SLC24A3: variants seen among roughly 807,000 people sequenced by gnomAD.
SLC24A3 encodes solute carrier family 24 member 3.
A neutral mutation model predicts 75.8 loss-of-function variants in SLC24A3; 28 were observed. The ratio of observed to expected loss-of-function variants is 0.37; its 90% confidence interval spans 0.27 to 0.51. SLC24A3 has a LOEUF of 0.51. Among genes scored for constraint, SLC24A3 ranks in the 20% least tolerant of loss-of-function variants. SLC24A3 has a pLI of 0.94. For synonymous variants in SLC24A3, 372 were observed against 334.1 expected (o/e 1.11, Z -1.24); for missense variants, 663 against 847.8 (o/e 0.78, Z 2.71).
At chr20:19,685,814 G>A (rs556917474) in intron 12 of SLC24A3, among the ~76,000 whole-genome samples, 2 of 152,256 alleles carry the variant, frequency 1.3e-5, no homozygotes, top group South Asian at 2.1e-4. Flanking sequence ...CAGCAAGCAG[G>A]AATTAGGGAG....
At chr20:19,473,411 T>C (rs1473660880) in intron 2 of SLC24A3, among the ~76,000 whole-genome samples, 1 of 152,196 alleles carries the variant, frequency 6.6e-6, no homozygotes, top group Non-Finnish European at 1.5e-5. Context: ...GGAGAGATAA[T>C]AACAATGATG....
At chr20:19,346,887 C>T (rs1405560688) in intron 2 of SLC24A3, among the ~76,000 whole-genome samples, 1 of 152,108 alleles carries the variant, frequency 6.6e-6, no homozygotes, top group Non-Finnish European at 1.5e-5. Context: ...ATAAAGATCA[C>T]TGTTTAAACA....
intron 2 of SLC24A3, among the ~76,000 whole-genome samples, chr20:19,360,333 C>G (rs1000029248): frequency 7.9e-5 from 12 of 152,188 alleles, no homozygotes; most frequent in Non-Finnish European, 1.3e-4. Context: ...CAAATGCCTC[C>G]ACATCTGGGC....
At chr20:19,385,904 TG>T (rs1482952225) in intron 2 of SLC24A3, among the ~76,000 whole-genome samples, 2 of 152,160 alleles carry the variant, frequency 1.3e-5, no homozygotes, top group Non-Finnish European at 2.9e-5. Context: ...TCCAAACTGT[TG>T]GGATTACAGG....
chr20:19,520,553 G>C (rs1265115183), intron 3 of SLC24A3, among the ~76,000 whole-genome samples: 1 of 152,176 alleles, frequency 6.6e-6, no homozygotes, highest in South Asian at 2.1e-4. Flanking sequence ...CTACGGCGCA[G>C]GTCATTCCGG....
At chr20:19,264,542 C>T (rs909984051) in intron 1 of SLC24A3, among the ~76,000 whole-genome samples, 15 of 151,554 alleles carry the variant, frequency 9.9e-5, no homozygotes, top group African/African-American at 3.6e-4. Flanking sequence ...CTGGGCAACA[C>T]GGTGAAAACC....
intron 2 of SLC24A3, among the ~76,000 whole-genome samples, chr20:19,283,698 AG>A (rs1983725946): frequency 6.6e-6 from 1 of 152,246 alleles, no homozygotes; most frequent in South Asian, 2.1e-4. Context: ...CCAAATAGCC[AG>A]GTTCTCAGAG....
intron 2 of SLC24A3, among the ~76,000 whole-genome samples, chr20:19,445,390 A>G (rs933323117): frequency 6.6e-6 from 1 of 152,234 alleles, no homozygotes; most frequent in East Asian, 1.9e-4. Context: ...GCCAGAATGC[A>G]TGGATTTGTA....
chr20:19,475,121 A>G (rs1336437991), intron 2 of SLC24A3, among the ~76,000 whole-genome samples: 1 of 152,076 alleles, frequency 6.6e-6, no homozygotes, highest in Admixed American at 6.6e-5. Flanking sequence ...GGAGGATCAC[A>G]AGGTCAGGAG....
chr20:19,532,135 T>C (rs1169254922), intron 3 of SLC24A3, among the ~76,000 whole-genome samples: 3 of 152,162 alleles, frequency 2.0e-5, no homozygotes. Context: ...TGTTGTTTGA[T>C]CAGTTTTCTC....
At chr20:19,267,200 T>C (rs925891202) in intron 1 of SLC24A3, among the ~76,000 whole-genome samples, 1 of 152,226 alleles carries the variant, frequency 6.6e-6, no homozygotes, top group Non-Finnish European at 1.5e-5. Flanking sequence ...TTTGAAAATA[T>C]TAGTTCCATA....
At chr20:19,412,381 G>T (rs569968601) in intron 2 of SLC24A3, among the ~76,000 whole-genome samples, 1 of 152,024 alleles carries the variant, frequency 6.6e-6, no homozygotes, top group Non-Finnish European at 1.5e-5. Flanking sequence ...CCCTGTGAGC[G>T]AAATGCCAAA....
chr20:19,268,486 C>T (rs1055514953), intron 1 of SLC24A3, among the ~76,000 whole-genome samples: 4 of 152,174 alleles, frequency 2.6e-5, no homozygotes, highest in South Asian at 2.1e-4. Flanking sequence ...AAAGTCCAAA[C>T]GCAAAGGACC....
chr20:19,244,958 G>C (rs1300782904), intron 1 of SLC24A3, among the ~76,000 whole-genome samples: 1 of 152,176 alleles, frequency 6.6e-6, no homozygotes, highest in Non-Finnish European at 1.5e-5. Context: ...CCGTTTTAAT[G>C]ACTGCACAAG....
intron 3 of SLC24A3, among the ~76,000 whole-genome samples, chr20:19,535,441 C>T (rs1308527534): frequency 4.6e-5 from 7 of 152,124 alleles, no homozygotes; most frequent in Non-Finnish European, 1.0e-4. Context: ...CCAGGCTAGC[C>T]AAGTTTATTC....
rs77515979 is a variant in SLC24A3, at chr20:19,513,774, G to A, written c.272-1714G>A. On this transcript the variant is annotated intron_variant, in intron 2 of 16. Coordinates refer to ENST00000328041, the MANE Select transcript of SLC24A3 (RefSeq NM_020689.4). ...AAAGCCTTTTTGAGATATTATTGACGTATAAAAATTGTATATGCTTAAGGT... is the reference window on the plus strand; with the variant it reads ...AAAGCCTTTTTGAGATATTATTGACATATAAAAATTGTATATGCTTAAGGT... Among the ~76,000 whole-genome samples, 1,047 of 148,066 alleles carry A rather than the reference G, an allele frequency of 7.1e-3. 17 individuals carry two copies. The highest frequency in any genetic ancestry group is 0.024 in the African/African-American group (957 of 40,032).
chr20:19,585,190 A>C, intron 5 of SLC24A3, 135 bp downstream of exon 5: 1 of 805,158 alleles, frequency 1.2e-6, no homozygotes, highest in Non-Finnish European at 2.0e-6. Context: ...TGAGTAGAAC[A>C]TCAGCCTCCC....
intron 2 of SLC24A3, among the ~76,000 whole-genome samples, chr20:19,344,385 A>G (rs1487674848): frequency 6.6e-6 from 1 of 152,204 alleles, no homozygotes; most frequent in Non-Finnish European, 1.5e-5. Context: ...TGAAACCATA[A>G]CTACATATGT....
intron 2 of SLC24A3, among the ~76,000 whole-genome samples, chr20:19,345,808 G>C (rs1047475317): frequency 2.6e-5 from 4 of 151,832 alleles, no homozygotes; most frequent in African/African-American, 9.7e-5. Context: ...CGTGGATGTA[G>C]TGAAAAGGGA....
Sources: gnomAD v4.1 joint callset for allele counts (sites outside exome capture counted in the v4.1 genomes callset) on GRCh38, gnomAD v4.1.1 for gene constraint, MANE v1.5 for transcripts, NCBI Gene and HGNC (gene_info 2026-07-23, HGNC 2026-07-21) for gene names.